RPS6KC1: variants seen among roughly 807,000 people sequenced by gnomAD.
RPS6KC1 encodes the protein ribosomal protein S6 kinase C1.
A neutral mutation model predicts 103.8 loss-of-function variants in RPS6KC1; 54 were observed. The observed-to-expected ratio is 0.52, with a 90% CI of 0.42 to 0.65. RPS6KC1 has a LOEUF of 0.65. Ranked by LOEUF, RPS6KC1 falls within the 30% of genes least tolerant of loss-of-function variation. The pLI is 0.00. For missense variants in RPS6KC1, 1,151 were observed against 1,253.8 expected, an observed-to-expected ratio of 0.92 and a Z score of 1.24; for synonymous variants, 439 against 438.7, an observed-to-expected ratio of 1.00 and a Z score of -0.01.
At chr1:213,138,495 T>C (rs2086638334) in intron 6 of RPS6KC1, among the ~76,000 whole-genome samples, 1 of 152,192 alleles carries the variant, frequency 6.6e-6, no homozygotes, top group Non-Finnish European at 1.5e-5. Flanking sequence ...AGTTTTCCAG[T>C]CCTCACCCTC....
rs1215410704 is a variant in RPS6KC1, at chr1:213,238,985, G to A, written c.1226-1717G>A. ...ATATAGGTATTTGTGGTAAGAGAATGTGAGTATTGTTGTCAATAGACTAAA... is the reference window on the plus strand; with the variant it reads ...ATATAGGTATTTGTGGTAAGAGAATATGAGTATTGTTGTCAATAGACTAAA... On this transcript the variant is annotated intron_variant, in intron 10 of 14. Coordinates refer to ENST00000366960, the MANE Select transcript of RPS6KC1 (RefSeq NM_012424.6). Among the ~76,000 whole-genome samples the A allele has an allele frequency of 2.0e-5, 3 of 152,304 alleles. 1 individual carries two copies. The East Asian group carries it at 5.8e-4, about 29-fold the overall frequency.
the RPS6KC1 span, among the ~76,000 whole-genome samples, chr1:213,480,939 G>A: frequency 1.3e-5 from 2 of 152,072 alleles, no homozygotes; most frequent in African/African-American, 2.4e-5. Context: ...ATATTAGAAA[G>A]GTCTGATATT....
At chr1:213,399,788 G>C in the RPS6KC1 span, among the ~76,000 whole-genome samples, 1 of 152,168 alleles carries the variant, frequency 6.6e-6, no homozygotes, top group Non-Finnish European at 1.5e-5. Context: ...GAAGAAGGGA[G>C]CTGGGGCGGG....
chr1:213,721,256 T>G, the RPS6KC1 span, among the ~76,000 whole-genome samples: 1 of 152,164 alleles, frequency 6.6e-6, no homozygotes, highest in African/African-American at 2.4e-5. Context: ...TTCTTCAGCA[T>G]GTGATGTGGT....
rs113445465 is a variant in RPS6KC1, at chr1:213,111,321, A to G, written c.379-5996A>G. ...ATTAACAGAAAAACTTTGAGATACT[A>G]TATATCCCAAAATTTCTATGAAATT... On this transcript the variant is annotated intron_variant, in intron 4 of 14. Transcript: ENST00000366960. Among the ~76,000 whole-genome samples, 3 of 152,232 alleles carry G rather than the reference A, an allele frequency of 2.0e-5. 1 individual carries two copies. The highest frequency in any genetic ancestry group is 4.8e-5 in the African/African-American group (2 of 41,552).
chr1:213,835,563 A>G, the RPS6KC1 span, among the ~76,000 whole-genome samples: 7 of 152,158 alleles, frequency 4.6e-5, no homozygotes, highest in Non-Finnish European at 7.3e-5. Context: ...CTGCACTAAC[A>G]TCCCTCAAGA....
At chr1:213,547,431 C>A in the RPS6KC1 span, among the ~76,000 whole-genome samples, 1 of 152,152 alleles carries the variant, frequency 6.6e-6, no homozygotes, top group Non-Finnish European at 1.5e-5. Flanking sequence ...GTCTCAAATT[C>A]TGCCACTATT....
At chr1:213,628,927 A>G in the RPS6KC1 span, among the ~76,000 whole-genome samples, 4 of 152,118 alleles carry the variant, frequency 2.6e-5, no homozygotes, top group African/African-American at 9.7e-5. Context: ...TTCTGGTTTG[A>G]TTGCACTGTG....
intron 1 of RPS6KC1, among the ~76,000 whole-genome samples, chr1:213,067,598 A>G (rs1228487790): frequency 2.6e-5 from 4 of 152,094 alleles, no homozygotes; most frequent in East Asian, 3.8e-4. Flanking sequence ...TCTTTTGCTT[A>G]GCACTCTACT....
At chr1:213,109,875 A>G (rs1040359939) in intron 4 of RPS6KC1, among the ~76,000 whole-genome samples, 1 of 151,590 alleles carries the variant, frequency 6.6e-6, no homozygotes, top group African/African-American at 2.4e-5. Context: ...GTATGTATGT[A>G]CATATATTTA....
chr1:213,297,057 A>G, the RPS6KC1 span, among the ~76,000 whole-genome samples: 5,452 of 152,274 alleles, frequency 0.036, 133 homozygotes, highest in Middle Eastern at 0.061. Context: ...CTCACAAACC[A>G]ACCAAAGCAG....
intron 6 of RPS6KC1, among the ~76,000 whole-genome samples, chr1:213,145,502 T>G (rs1171192017): frequency 1.3e-5 from 2 of 152,062 alleles, no homozygotes; most frequent in African/African-American, 4.8e-5. Context: ...GTGTATGCTG[T>G]GGGGAAACTA....
At chr1:213,404,022 G>A in the RPS6KC1 span, among the ~76,000 whole-genome samples, 2 of 152,160 alleles carry the variant, frequency 1.3e-5, no homozygotes, top group Admixed American at 6.5e-5. Context: ...GATGAGGGAG[G>A]CTGGGTAGAG....
chr1:213,242,204 G>A lies in RPS6KC1; in HGVS notation c.2728G>A (p.Ala910Thr), dbSNP rs1353917630. The A allele has an allele frequency of 1.2e-6, 2 of 1,613,980 alleles. No individual in the cohort carries two copies. Among genetic ancestry groups the A allele is most frequent in the South Asian group, 2.2e-5 (2 of 91,078 alleles). The change falls in exon 11 of 15, where the codon GCA (alanine) becomes ACA (threonine). Residue 910 changes from alanine (A) to threonine (T), a missense_variant. This residue lies in a region of RPS6KC1 where 189 missense variants were observed against 228.8 expected (regional missense o/e 0.83). Coordinates refer to ENST00000366960, the MANE Select transcript of RPS6KC1 (RefSeq NM_012424.6). Reference protein sequence around the residue: ...YIPEGCIQRWAAEMVVALDAL... With the variant: ...YIPEGCIQRWTAEMVVALDAL... ...CCCAGAGGGCTGCATTCAAAGATGG[G>A]CAGCTGAAATGGTGGTAGCCCTTGA...
chr1:213,116,805 C>G (rs1206548855), intron 4 of RPS6KC1, among the ~76,000 whole-genome samples: 3 of 151,830 alleles, frequency 2.0e-5, no homozygotes, highest in South Asian at 2.1e-4. Flanking sequence ...TTCTCCTTCA[C>G]TTATGAAGCT....
chr1:213,176,193 T>A (rs1204087862), intron 7 of RPS6KC1, among the ~76,000 whole-genome samples: 1 of 152,322 alleles, frequency 6.6e-6, no homozygotes, highest in South Asian at 2.1e-4. Flanking sequence ...TACTTGCAAC[T>A]TTTTTCTTGC....
At chr1:213,422,165 C>T in the RPS6KC1 span, among the ~76,000 whole-genome samples, 16 of 152,280 alleles carry the variant, frequency 1.1e-4, no homozygotes, top group South Asian at 4.2e-4. Context: ...CGTTAAACAC[C>T]AGCTCCCATT....
At chr1:213,831,464 CT>C in the RPS6KC1 span, among the ~76,000 whole-genome samples, 1 of 152,166 alleles carries the variant, frequency 6.6e-6, no homozygotes, top group Admixed American at 6.5e-5. Context: ...GAGTTCTCCC[CT>C]GAAGTCACCT....
the RPS6KC1 span, among the ~76,000 whole-genome samples, chr1:213,434,782 G>T: frequency 6.6e-6 from 1 of 151,132 alleles, no homozygotes; most frequent in East Asian, 1.9e-4. Flanking sequence ...ATAACTGACT[G>T]TTTTTTTTTC....
Sources: allele counts gnomAD v4.1 joint callset (sites outside exome capture counted in the v4.1 genomes callset), GRCh38; gene constraint gnomAD v4.1.1; regional missense constraint gnomAD v4.1.1; transcripts MANE v1.5; gene names NCBI Gene and HGNC (gene_info 2026-07-23, HGNC 2026-07-21).